Variants in NAALADL2 observed in about 807,000 individuals in gnomAD.
The protein encoded by NAALADL2 is N-acetylated alpha-linked acidic dipeptidase like 2.
In NAALADL2, 76 loss-of-function variants were observed where a neutral mutation model predicts 87.2. That is an observed-to-expected ratio of 0.87 (90% CI 0.72 to 1.05). The LOEUF (loss-of-function observed/expected upper bound fraction) is 1.05. NAALADL2 is among the 50% of genes least tolerant of loss of function. NAALADL2 has a pLI of 0.00. For missense variants in NAALADL2, 1,089 were observed against 945.8 expected, an observed-to-expected ratio of 1.15 and a Z score of -1.99; for synonymous variants, 354 against 331.0, an observed-to-expected ratio of 1.07 and a Z score of -0.75.
At chr3:175,188,747 T>C (rs915241336) in intron 2 of NAALADL2, among the ~76,000 whole-genome samples, 18 of 152,160 alleles carry the variant, frequency 1.2e-4, no homozygotes, top group African/African-American at 3.4e-4. Context: ...CTTAATCCTA[T>C]TGCACCTGGA....
intron 9 of NAALADL2, among the ~76,000 whole-genome samples, chr3:175,502,206 T>A (rs1247470315): frequency 1.3e-5 from 2 of 151,598 alleles, no homozygotes; most frequent in African/African-American, 4.9e-5. Flanking sequence ...CTGCACCAGA[T>A]ATTTGGCAAA....
intron 3 of NAALADL2, among the ~76,000 whole-genome samples, chr3:174,748,345 A>C (rs1417397870): frequency 6.6e-6 from 1 of 151,292 alleles, no homozygotes; most frequent in Non-Finnish European, 1.5e-5. Flanking sequence ...TTTTTTTTAA[A>C]AAGAGGCCAC....
intron 2 of NAALADL2, among the ~76,000 whole-genome samples, chr3:175,210,446 T>G (rs1426731314): frequency 6.6e-6 from 1 of 151,748 alleles, no homozygotes; most frequent in Non-Finnish European, 1.5e-5. Context: ...CTACATAGGT[T>G]TGTGTATGTA....
intron 5 of NAALADL2, among the ~76,000 whole-genome samples, chr3:175,441,600 G>C (rs1305625331): frequency 2.0e-5 from 3 of 151,964 alleles, no homozygotes. Flanking sequence ...TGCAGATGCT[G>C]CTTGTCTGAG....
At chr3:174,712,380 C>CTTTTTTTTTTTT (rs1169827021) in intron 2 of NAALADL2, among the ~76,000 whole-genome samples, 2 of 70,452 alleles carry the variant, frequency 2.8e-5, no homozygotes, top group Non-Finnish European at 4.9e-5. Context: ...TTCTCCTCTT[C>CTTTTTTTTTTTT]TTTTTTTTTT....
At chr3:175,494,217 T>G (rs1728501121) in intron 9 of NAALADL2, among the ~76,000 whole-genome samples, 1 of 152,098 alleles carries the variant, frequency 6.6e-6, no homozygotes. Flanking sequence ...ATATATTAAC[T>G]ATTTTCCCAT....
At chr3:175,683,907 TAAGG>T (rs1735934475) in intron 11 of NAALADL2, among the ~76,000 whole-genome samples, 1 of 151,556 alleles carries the variant, frequency 6.6e-6, no homozygotes, top group African/African-American at 2.4e-5. Context: ...TGTTGAAAAA[TAAGG>T]AAGAAAAAAG....
intron 1 of NAALADL2, among the ~76,000 whole-genome samples, chr3:174,986,030 G>C (rs1349400760): frequency 6.6e-6 from 1 of 151,914 alleles, no homozygotes; most frequent in East Asian, 1.9e-4. Context: ...TGGTGACGAT[G>C]ACATCTATAA....
rs139571504 is a variant in NAALADL2, at chr3:175,736,098, A to G, written c.1897-1208A>G. ...ACTTATGAGAGAGAGAGAGATAACA[A>G]TGGCATTTGCTGCCAGCCCTAAGGT... On this transcript the variant is annotated intron_variant, in intron 11 of 13. Transcript: ENST00000454872. 1.8e-3 allele frequency among the ~76,000 whole-genome samples: 276 copies of G among 152,260 alleles called. 2 individuals carry two copies. The highest frequency in any genetic ancestry group is 6.5e-3 in the African/African-American group (269 of 41,558).
chr3:175,506,647 A>G (rs926693249), intron 9 of NAALADL2, among the ~76,000 whole-genome samples: 1 of 152,238 alleles, frequency 6.6e-6, no homozygotes, highest in African/African-American at 2.4e-5. Flanking sequence ...TGTAAAAGTT[A>G]CAGGAAAGAC....
At chr3:175,619,358 A>C (rs1725873482) in intron 10 of NAALADL2, among the ~76,000 whole-genome samples, 1 of 152,014 alleles carries the variant, frequency 6.6e-6, no homozygotes, top group Non-Finnish European at 1.5e-5. Flanking sequence ...GAATCCCAGG[A>C]ATTGGGGACC....
intron 1 of NAALADL2, among the ~76,000 whole-genome samples, chr3:174,481,076 ATTGAC>A (rs1273496983): frequency 3.3e-5 from 5 of 152,052 alleles, no homozygotes; most frequent in Admixed American, 1.3e-4. Flanking sequence ...TTGTTTGGAG[ATTGAC>A]TTATCGCATA....
intron 2 of NAALADL2, among the ~76,000 whole-genome samples, chr3:174,599,878 T>C (rs1007724756): frequency 6.6e-5 from 10 of 152,148 alleles, no homozygotes; most frequent in Non-Finnish European, 1.2e-4. Flanking sequence ...AGTTTTTATA[T>C]TCTATCTGGC....
intron 13 of NAALADL2, among the ~76,000 whole-genome samples, chr3:175,769,732 GTGTGTGTCTGTGTGTATGTCTC>G (rs1437803410): frequency 3.3e-5 from 5 of 151,552 alleles, no homozygotes; most frequent in African/African-American, 7.3e-5. Flanking sequence ...GTGCATGTGT[GTGTGTGTCTGTGTGTATGTCTC>G]TGTGTGTGTC....
intron 1 of NAALADL2, among the ~76,000 whole-genome samples, chr3:174,900,701 C>T (rs1732198434): frequency 6.6e-6 from 1 of 151,422 alleles, no homozygotes; most frequent in South Asian, 2.1e-4. Context: ...AGAAAAAAAA[C>T]ATAAAAATAA....
Position 175,551,427 on chromosome 3 carries a change from T to C in NAALADL2, c.1654-24614T>C, listed in dbSNP as rs116148898. On this transcript the variant is annotated intron_variant, in intron 9 of 13. Transcript: ENST00000454872. ...CTCTTACTCATGTCAATTGGATATATAAAACAGCTGTTGACTGACAAGATT... is the reference window on the plus strand; with the variant it reads ...CTCTTACTCATGTCAATTGGATATACAAAACAGCTGTTGACTGACAAGATT... 8.3e-3 allele frequency among the ~76,000 whole-genome samples: 1,269 copies of C among 152,268 alleles called. 21 individuals carry two copies. Among genetic ancestry groups the C allele is most frequent in the African/African-American group, 0.029 (1,219 of 41,530 alleles).
At chr3:175,102,745 A>G (rs1722430189) in intron 2 of NAALADL2, among the ~76,000 whole-genome samples, 1 of 152,228 alleles carries the variant, frequency 6.6e-6, no homozygotes, top group Admixed American at 6.5e-5. Context: ...ATACTGTGAA[A>G]TGATCTTTAT....
At chr3:174,460,411 T>C (rs2108290452) in intron 1 of NAALADL2, among the ~76,000 whole-genome samples, 1 of 152,158 alleles carries the variant, frequency 6.6e-6, no homozygotes, top group Admixed American at 6.6e-5. Context: ...AGTACAACTA[T>C]TTAAAAATAA....
Position 175,805,423 on chromosome 3 carries a change from G to A in NAALADL2, c.*2220G>A, listed in dbSNP as rs1009255795. On this transcript the variant is annotated 3_prime_UTR_variant, in exon 14 of 14. Coordinates refer to ENST00000454872, the MANE Select transcript of NAALADL2 (RefSeq NM_207015.3). Reference sequence around the variant, plus strand: ...TGTAGTTAACTATGGTTTTTTATTAGTCTATTAAAAGATACGTGGAGATAT... The same window carrying A: ...TGTAGTTAACTATGGTTTTTTATTAATCTATTAAAAGATACGTGGAGATAT... 6.6e-6 allele frequency: 1 copy of A among 151,704 alleles called. No individual in the cohort carries two copies. Among genetic ancestry groups the A allele is most frequent in the Non-Finnish European group, 1.5e-5 (1 of 67,852 alleles). 9.4% of individuals were successfully genotyped at this position (151,704 alleles called of 1,614,324 possible). A position where few individuals can be genotyped will look rare whatever the true frequency, so the allele number is the denominator to read the frequency against.
Sources: gnomAD v4.1 joint callset for allele counts (sites outside exome capture counted in the v4.1 genomes callset) on GRCh38, gnomAD v4.1.1 for gene constraint, MANE v1.5 for transcripts, NCBI Gene and HGNC (gene_info 2026-07-23, HGNC 2026-07-21) for gene names.